Variants in INPP4B observed in about 807,000 individuals in gnomAD.
INPP4B encodes the protein inositol polyphosphate-4-phosphatase type II B.
Under a neutral mutation model 122.5 loss-of-function variants are expected in INPP4B, and 55 were observed. The ratio of observed to expected loss-of-function variants is 0.45; its 90% CI spans 0.36 to 0.56. INPP4B has a LOEUF of 0.56. Ranked by LOEUF, INPP4B falls within the 20% of genes least tolerant of loss-of-function variation. The probability of loss-of-function intolerance (pLI) is 0.00; values close to 1 mark genes in which losing one functional copy is unlikely to be tolerated. For missense variants in INPP4B, 1,000 were observed against 1,097.7 expected (o/e 0.91, Z 1.26); for synonymous variants, 403 against 388.7 (o/e 1.04, Z -0.43).
chr4:142,526,622 T>C (rs996714766), intron 2 of INPP4B, among the ~76,000 whole-genome samples: 3 of 152,080 alleles, frequency 2.0e-5, no homozygotes, highest in Non-Finnish European at 2.9e-5. Flanking sequence ...TTTAAACTAG[T>C]GTGAACTTCT....
At chr4:142,436,500 T>C (rs1234099531) in intron 3 of INPP4B, among the ~76,000 whole-genome samples, 1 of 152,140 alleles carries the variant, frequency 6.6e-6, no homozygotes, top group African/African-American at 2.4e-5. Flanking sequence ...GGAGCATTCC[T>C]ACTAGCATCA....
intron 2 of INPP4B, among the ~76,000 whole-genome samples, chr4:142,605,003 A>G (rs992654810): frequency 3.9e-4 from 60 of 152,242 alleles, no homozygotes; most frequent in African/African-American, 1.4e-3. Context: ...ACAGCACACT[A>G]TTGGTATAAA....
intron 1 of INPP4B, among the ~76,000 whole-genome samples, chr4:142,731,161 G>A (rs995780369): frequency 3.3e-5 from 5 of 151,970 alleles, no homozygotes; most frequent in South Asian, 2.1e-4. Context: ...GCCCAAGTGT[G>A]TATTGTTCCC....
chr4:142,842,288 A>G (rs1783586499), intron 1 of INPP4B, among the ~76,000 whole-genome samples: 1 of 151,570 alleles, frequency 6.6e-6, no homozygotes, highest in Non-Finnish European at 1.5e-5. Flanking sequence ...AGTTTGAAAT[A>G]TATTATTTAA....
At chr4:142,455,227 ACT>A (rs1815133730) in intron 3 of INPP4B, among the ~76,000 whole-genome samples, 1 of 151,936 alleles carries the variant, frequency 6.6e-6, no homozygotes, top group South Asian at 2.1e-4. Context: ...GACCATAGTC[ACT>A]CTATTATGCT....
chr4:142,268,784 G>T (rs753399487), intron 10 of INPP4B, among the ~76,000 whole-genome samples: 17 of 152,150 alleles, frequency 1.1e-4, no homozygotes, highest in Non-Finnish European at 1.8e-4. Context: ...TCATTTATAT[G>T]CTGAGAAAGA....
chr4:142,328,549 G>A (rs1773301194), intron 7 of INPP4B, among the ~76,000 whole-genome samples: 1 of 152,130 alleles, frequency 6.6e-6, no homozygotes, highest in African/African-American at 2.4e-5. Context: ...ATACAGAGAA[G>A]CAGACATGAC....
rs1288810976 is a variant in INPP4B, at chr4:142,746,157, A to G, written c.-253-20256T>C. On this transcript the variant is annotated intron_variant, in intron 1 of 25. Coordinates refer to ENST00000262992, the MANE Select transcript of INPP4B (RefSeq NM_001101669.3). Reference sequence around the variant, plus strand: ...CTACACACACATTCTCTTTAAAAACACATGGGATATTCATCATGATAGGAC... The same window carrying G: ...CTACACACACATTCTCTTTAAAAACGCATGGGATATTCATCATGATAGGAC... Among the ~76,000 whole-genome samples, 3 of 152,004 alleles carry G rather than the reference A, an allele frequency of 2.0e-5. No individual in the cohort carries two copies. In the East Asian group the frequency reaches 5.8e-4, roughly 29 times the overall value.
intron 15 of INPP4B, among the ~76,000 whole-genome samples, chr4:142,188,015 A>AC (rs1328625253): frequency 6.6e-6 from 1 of 152,164 alleles, no homozygotes. Context: ...GGAAGAGAGC[A>AC]CCCAGTATGC....
chr4:142,193,278 T>C (rs950656831), intron 14 of INPP4B, 83 bp from the exon 15 acceptor site: 1 of 733,842 alleles, frequency 1.4e-6, no homozygotes, highest in Non-Finnish European at 2.3e-6. Flanking sequence ...ATACCTATTG[T>C]AGGAAGTATG....
intron 2 of INPP4B, among the ~76,000 whole-genome samples, chr4:142,599,486 G>C (rs572602096): frequency 3.9e-4 from 60 of 152,142 alleles, no homozygotes; most frequent in African/African-American, 1.4e-3. Context: ...CAAAGCCAAA[G>C]AACCCTACCC....
At chr4:142,817,163 T>C (rs181511309) in intron 1 of INPP4B, among the ~76,000 whole-genome samples, 1 of 152,254 alleles carries the variant, frequency 6.6e-6, no homozygotes, top group Non-Finnish European at 1.5e-5. Context: ...AGGGAGGAAA[T>C]GGCATTTCAT....
intron 8 of INPP4B, among the ~76,000 whole-genome samples, chr4:142,309,559 G>A (rs923586650): frequency 6.6e-6 from 1 of 151,814 alleles, no homozygotes; most frequent in Non-Finnish European, 1.5e-5. Context: ...ACATGTCACA[G>A]AACTAGTTAA....
chr4:142,351,483 A>T (rs1442150288), intron 7 of INPP4B, among the ~76,000 whole-genome samples: 1 of 151,980 alleles, frequency 6.6e-6, no homozygotes, highest in African/African-American at 2.4e-5. Context: ...CAATCACCCT[A>T]TAGGGGCTGT....
intron 2 of INPP4B, among the ~76,000 whole-genome samples, chr4:142,558,885 A>G (rs1326839015): frequency 6.6e-6 from 1 of 150,798 alleles, no homozygotes; most frequent in Non-Finnish European, 1.5e-5. Flanking sequence ...TCAGGTGAAG[A>G]CTGAACAATC....
intron 9 of INPP4B, among the ~76,000 whole-genome samples, chr4:142,278,420 C>T (rs1205270677): frequency 2.6e-5 from 4 of 151,822 alleles, no homozygotes; most frequent in Non-Finnish European, 5.9e-5. Context: ...TCTCCTAATA[C>T]TCAGAAAAAT....
intron 3 of INPP4B, among the ~76,000 whole-genome samples, chr4:142,453,247 T>A (rs551279321): frequency 1.3e-5 from 2 of 152,300 alleles, no homozygotes; most frequent in African/African-American, 4.8e-5. Flanking sequence ...CACACAGCCA[T>A]ACACATGTAC....
rs552943015 is a variant in INPP4B, at chr4:142,079,991, T to G, written c.2642+2040A>C. 5.4e-4 allele frequency among the ~76,000 whole-genome samples: 82 copies of G among 152,236 alleles called. 1 individual carries two copies. The highest frequency in any genetic ancestry group is 1.9e-3 in the African/African-American group (78 of 41,564). ...TTTTAATTTTTTTAACCAACATTAT[T>G]TAGTGATTACCATGTGCCAAACATT... On this transcript the variant is annotated intron_variant, in intron 25 of 25. Transcript: ENST00000262992.
At chr4:142,067,690 G>A (rs1410704259) in intron 25 of INPP4B, among the ~76,000 whole-genome samples, 1 of 152,146 alleles carries the variant, frequency 6.6e-6, no homozygotes, top group Non-Finnish European at 1.5e-5. Context: ...ACATGCACAA[G>A]CTTCAGTACC....
Sources: gnomAD v4.1 joint callset for allele counts (sites outside exome capture counted in the v4.1 genomes callset) on GRCh38, gnomAD v4.1.1 for gene constraint, MANE v1.5 for transcripts, NCBI Gene and HGNC (gene_info 2026-07-23, HGNC 2026-07-21) for gene names.